Variants in SV2B observed in about 807,000 individuals in gnomAD.
SV2B encodes the protein synaptic vesicle glycoprotein 2B.
In SV2B, 41 loss-of-function variants were observed where a neutral mutation model predicts 73.9. The observed-to-expected ratio is 0.56, with a 90% CI of 0.43 to 0.72. The LOEUF is 0.72. Ranked by LOEUF, SV2B falls within the 30% of genes least tolerant of loss-of-function variation. The pLI is 0.00. For missense variants in SV2B, 764 were observed against 857.8 expected, an observed-to-expected ratio of 0.89 and a Z score of 1.37; for synonymous variants, 314 against 314.2, an observed-to-expected ratio of 1.00 and a Z score of 0.01.
At position 91,300,547 on chromosome 15, in the gene SV2B, T is replaced by C. The variant is rs2141849793; in HGVS notation, c.*7995T>C. On this transcript the variant is annotated 3_prime_UTR_variant, in exon 13 of 13. Coordinates refer to ENST00000394232, the MANE Select transcript of SV2B (RefSeq NM_001323032.3). ...GCTCCAAAGAGCAATTCTGAAGGAT[T>C]AACAGGTTTCATTCTCTCCAGTGGG... 6.6e-6 allele frequency: 1 copy of C among 152,330 alleles called. No homozygotes were observed. The highest frequency in any genetic ancestry group is 1.9e-4 in the East Asian group (1 of 5,180). 9.4% of individuals were successfully genotyped at this position (152,330 alleles called of 1,614,324 possible). A position where few individuals can be genotyped will look rare whatever the true frequency, so the allele number is the denominator to read the frequency against.
chr15:91,260,880 C>G (rs2047888551), intron 6 of SV2B, among the ~76,000 whole-genome samples: 1 of 152,182 alleles, frequency 6.6e-6, no homozygotes, highest in African/African-American at 2.4e-5. Context: ...GAGACTTATT[C>G]ACTACCATGA....
At chr15:91,278,968 T>C (rs1377089960) in intron 9 of SV2B, among the ~76,000 whole-genome samples, 2 of 152,186 alleles carry the variant, frequency 1.3e-5, no homozygotes, top group African/African-American at 4.8e-5. Flanking sequence ...TAAATGACGA[T>C]GTAATTTACG....
rs2042252701 is a variant in SV2B at position 91,118,965 on chromosome 15, G to A, written c.-392+18602G>A. Reference sequence around the variant, plus strand: ...TCGGCTTGGAGGCAGGGCCTGTGGGGGTGGGCGTGCTGGCTGATCCGCTTG... The same window carrying A: ...TCGGCTTGGAGGCAGGGCCTGTGGGAGTGGGCGTGCTGGCTGATCCGCTTG... On this transcript the variant is annotated intron_variant, in intron 1 of 12. Coordinates refer to ENST00000394232, the MANE Select transcript of SV2B (RefSeq NM_001323032.3). The surrounding 1 kb of genome is among the most constrained non-coding windows in gnomAD (Gnocchi z 4.7). Among the ~76,000 whole-genome samples the A allele has an allele frequency of 6.6e-6, 1 of 152,190 alleles. No homozygotes were observed. Among genetic ancestry groups the A allele is most frequent in the South Asian group, 2.1e-4 (1 of 4,824 alleles).
rs4528545 is a variant in SV2B at position 91,136,666 on chromosome 15, A to G, written c.-392+36303A>G. On this transcript the variant is annotated intron_variant, in intron 1 of 12. Transcript: ENST00000394232. This position sits in a 1 kb window ranked among gnomAD's most constrained non-coding sequence, Gnocchi z 5.6. The stretch of plus-strand genomic sequence containing the variant: ...GAAGCTCTAGGTTCCCGTAAGGCAG[A>G]CTGCCTTTTTAGTTGTCAGCAGATC... Among the ~76,000 whole-genome samples, 1 of 152,186 alleles carries G rather than the reference A, an allele frequency of 6.6e-6. No individual in the cohort carries two copies. The highest frequency in any genetic ancestry group is 1.9e-4 in the East Asian group (1 of 5,190).
At chr15:91,264,157 G>T (rs2048023146) in intron 6 of SV2B, among the ~76,000 whole-genome samples, 1 of 152,248 alleles carries the variant, frequency 6.6e-6, no homozygotes, top group Admixed American at 6.5e-5. Context: ...ACGCAGTGGT[G>T]CTTAGCCAGG....
chr15:91,111,502 A>G (rs1476882629), intron 1 of SV2B, among the ~76,000 whole-genome samples: 1 of 152,170 alleles, frequency 6.6e-6, no homozygotes, highest in Non-Finnish European at 1.5e-5. Flanking sequence ...CTATTGCTGC[A>G]TGAGGAAAGA....
At chr15:91,120,552 G>A (rs1409157822) in intron 1 of SV2B, among the ~76,000 whole-genome samples, 2 of 152,080 alleles carry the variant, frequency 1.3e-5, no homozygotes, top group Non-Finnish European at 2.9e-5. Flanking sequence ...TGGCTCACAT[G>A]CCTGTAATCT....
chr15:91,122,684 C>CTT lies in SV2B; in HGVS notation c.-392+22323_-392+22324dup, dbSNP rs2042372324. Among the ~76,000 whole-genome samples, 1 of 152,182 alleles carries CTT rather than the reference C, an allele frequency of 6.6e-6. No homozygotes were observed. Among genetic ancestry groups the CTT allele is most frequent in the Non-Finnish European group, 1.5e-5 (1 of 68,038 alleles). Reference sequence around the variant, plus strand: ...TCATTTGTCTGTTCTTAGTCCTGTACTTTCCAAGACATCTATTGAAATAAG... The same window carrying CTT: ...TCATTTGTCTGTTCTTAGTCCTGTACTTTTTCCAAGACATCTATTGAAATAAG... On this transcript the variant is annotated intron_variant, in intron 1 of 12. Coordinates refer to ENST00000394232, the MANE Select transcript of SV2B (RefSeq NM_001323032.3). This position sits in a 1 kb window ranked among gnomAD's most constrained non-coding sequence, Gnocchi z 4.3.
chr15:91,226,385 AGGAAGACGAGATCTATGAGGGCGAG>A lies in SV2B; in HGVS notation c.123_147del (p.Glu41AspfsTer32). On this transcript the variant is annotated frameshift_variant, in exon 2 of 13. Coordinates refer to ENST00000394232, the MANE Select transcript of SV2B (RefSeq NM_001323032.3). LOFTEE classifies it high-confidence loss of function. ...AGTGATGTCACCGAAGGCCATGATG[AGGAAGACGAGATCTATGAGGGCGAG>A]TACCAGGGTATCCCTCACCCAGATG... 1 of 1,614,198 alleles carries A rather than the reference AGGAAGACGAGATCTATGAGGGCGAG, an allele frequency of 6.2e-7. No homozygotes were observed. The highest frequency in any genetic ancestry group is 1.1e-5 in the South Asian group (1 of 91,078).
In SV2B at chr15:91,223,496, C is replaced by A. The variant is rs967991323; in HGVS notation, c.-391-2377C>A. On this transcript the variant is annotated intron_variant, in intron 1 of 12. Transcript: ENST00000394232. The surrounding 1 kb of genome is among the most constrained non-coding windows in gnomAD (Gnocchi z 4.6). ...GCAAAGCAGCTCCCAGAACCTTTGCCCTGGGTGGTGAGTCCCACAAGTGCT... is the reference window on the plus strand; with the variant it reads ...GCAAAGCAGCTCCCAGAACCTTTGCACTGGGTGGTGAGTCCCACAAGTGCT... Among the ~76,000 whole-genome samples the A allele has an allele frequency of 1.3e-5, 2 of 152,112 alleles. No individual in the cohort carries two copies. Among genetic ancestry groups the A allele is most frequent in the African/African-American group, 4.8e-5 (2 of 41,418 alleles).
rs200016125 is a variant in SV2B, at chr15:91,125,781, C to CAAA, written c.-392+25435_-392+25437dup. On this transcript the variant is annotated intron_variant, in intron 1 of 12. Coordinates refer to ENST00000394232, the MANE Select transcript of SV2B (RefSeq NM_001323032.3). ...CAAAGTGAGACCCTGTCTCAAGGGG[C>CAAA]AAAAAAAAAAAAAAAAAAATTCAGT... Among the ~76,000 whole-genome samples, 258 of 57,064 alleles carry CAAA rather than the reference C, an allele frequency of 4.5e-3. 14 individuals are homozygous for CAAA. Among genetic ancestry groups the CAAA allele is most frequent in the African/African-American group, 0.016 (252 of 15,636 alleles). 37.4% of individuals were successfully genotyped at this position (57,064 alleles called of 152,430 possible). A position where few individuals can be genotyped will look rare whatever the true frequency, so the allele number is the denominator to read the frequency against.
At chr15:91,168,244 C>A (rs1203970650) in intron 1 of SV2B, among the ~76,000 whole-genome samples, 1 of 150,992 alleles carries the variant, frequency 6.6e-6, no homozygotes, top group Admixed American at 6.6e-5. Flanking sequence ...TTTAGCCTCC[C>A]TGCACAGTTC....
intron 1 of SV2B, among the ~76,000 whole-genome samples, chr15:91,162,602 C>T (rs2043761447): frequency 1.3e-5 from 2 of 152,236 alleles, no homozygotes; most frequent in South Asian, 4.1e-4. Flanking sequence ...CAGGGCATCA[C>T]CAAGCTAAAG....
intron 6 of SV2B, among the ~76,000 whole-genome samples, chr15:91,263,577 C>T (rs1368032711): frequency 4.0e-5 from 6 of 151,602 alleles, no homozygotes; most frequent in Non-Finnish European, 8.8e-5. Context: ...CACACAGACA[C>T]AGACACAGAC....
intron 1 of SV2B, among the ~76,000 whole-genome samples, chr15:91,191,063 C>CTTTTTT (rs59849012): frequency 4.8e-4 from 31 of 64,238 alleles, no homozygotes; most frequent in East Asian, 1.6e-3. Flanking sequence ...TTTGGTGTTT[C>CTTTTTT]TTTTTTTTTT....
At chr15:91,259,616 A>T (rs111558366) in intron 5 of SV2B, among the ~76,000 whole-genome samples, 7 of 152,356 alleles carry the variant, frequency 4.6e-5, no homozygotes, top group African/African-American at 1.7e-4. Context: ...TCAAAGCAGC[A>T]GCAAGGTCAT....
chr15:91,217,977 T>A (rs1366926118), intron 1 of SV2B, among the ~76,000 whole-genome samples: 1 of 152,240 alleles, frequency 6.6e-6, no homozygotes, highest in Non-Finnish European at 1.5e-5. Context: ...TCACTATTGC[T>A]ATGACCATCT....
intron 1 of SV2B, among the ~76,000 whole-genome samples, chr15:91,200,529 A>G (rs1019675350): frequency 1.3e-5 from 2 of 152,188 alleles, no homozygotes; most frequent in African/African-American, 4.8e-5. Flanking sequence ...GGTTGTGGTC[A>G]GTGGTAGCAG....
intron 1 of SV2B, among the ~76,000 whole-genome samples, chr15:91,207,165 G>C (rs965301082): frequency 6.7e-6 from 1 of 149,682 alleles, no homozygotes; most frequent in Non-Finnish European, 1.5e-5. Context: ...GGGACTACAG[G>C]CACACGCCAT....
Sources: allele counts gnomAD v4.1 joint callset (sites outside exome capture counted in the v4.1 genomes callset), GRCh38; gene constraint gnomAD v4.1.1; non-coding constraint Gnocchi (gnomAD v3.1); transcripts MANE v1.5; gene names NCBI Gene and HGNC (gene_info 2026-07-23, HGNC 2026-07-21).